UGT1A5: variants seen among roughly 807,000 people sequenced by gnomAD.
UGT1A5 encodes UDP-glucuronosyltransferase 1A5.
A neutral mutation model predicts 40.3 loss-of-function variants in UGT1A5; 29 were observed. The observed-to-expected ratio is 0.72, with a 90% CI of 0.54 to 0.98. The LOEUF (loss-of-function observed/expected upper bound fraction) is 0.98, where lower values mean the gene tolerates loss of function less well. UGT1A5 is among the 50% of genes least tolerant of loss of function. UGT1A5 has a pLI of 0.00. For missense variants in UGT1A5, 678 were observed against 677.9 expected (o/e 1.00, Z 0.00); for synonymous variants, 257 against 262.5 (o/e 0.98, Z 0.20).
chr2:233,735,046 T>C (rs895113176), intron 1 of UGT1A5, among the ~76,000 whole-genome samples: 2 of 152,242 alleles, frequency 1.3e-5, no homozygotes, highest in African/African-American at 4.8e-5. Flanking sequence ...GGTGCAGAGC[T>C]GAGTTCAGGT....
rs879204025 is a variant in UGT1A5, at chr2:233,769,857, C to CAA, written c.1307+1434_1307+1435dup. On this transcript the variant is annotated intron_variant, in intron 4 of 4. Transcript: ENST00000373414. This position sits in a 1 kb window ranked among gnomAD's most constrained non-coding sequence, Gnocchi z 4.4. The stretch of plus-strand genomic sequence containing the variant: ...TGGGCAACAGAGTGAGACCCTGTCT[C>CAA]AAAAAAAAAAAAAAAAATGAAAAGT... The CAA allele has an allele frequency of 9.9e-3, 2,209 of 224,054 alleles. 3 individuals are homozygous for CAA. The highest frequency in any genetic ancestry group is 0.012 in the South Asian group (106 of 9,094). The allele number at this position is 224,054 out of a possible 1,614,324, so 13.9% of individuals were successfully genotyped here.
rs531565456 is a variant in UGT1A5 at position 233,748,436 on chromosome 2, T to C, written c.868-18598T>C. On this transcript the variant is annotated intron_variant, in intron 1 of 4. Coordinates refer to ENST00000373414, the MANE Select transcript of UGT1A5 (RefSeq NM_019078.2). ...AGACTTGACCCATCTGGATTTTTTG[T>C]TTGCACAATTTTCAGGGGAAAGATG... Among the ~76,000 whole-genome samples the C allele has an allele frequency of 2.0e-5, 3 of 151,942 alleles. No individual in the cohort carries two copies. In the East Asian group the frequency reaches 5.8e-4, roughly 29 times the overall value.
At chr2:233,767,965 C>CAAACCAG (rs1699532267) in intron 3 of UGT1A5, 29 bp downstream of exon 3, 1 of 1,613,980 alleles carries the variant, frequency 6.2e-7, no homozygotes, top group Admixed American at 1.7e-5. Flanking sequence ...ATGTATAGGT[C>CAAACCAG]AAACCAGGGT....
At chr2:233,719,982 G>A (rs2076818942) in intron 1 of UGT1A5, among the ~76,000 whole-genome samples, 1 of 152,176 alleles carries the variant, frequency 6.6e-6, no homozygotes, top group South Asian at 2.1e-4. Flanking sequence ...AGCTCGGCAG[G>A]ATCAGGGACA....
intron 2 of UGT1A5, 66 bp from the exon 3 acceptor site, chr2:233,767,783 T>C: frequency 6.2e-7 from 1 of 1,613,658 alleles, no homozygotes. Context: ...CTAGTTAGTA[T>C]AGCAGATTTG....
Position 233,713,178 on chromosome 2 carries a change from C to T in UGT1A5, c.187C>T (p.Leu63=). The T allele has an allele frequency of 6.2e-7, 1 of 1,614,224 alleles. No homozygotes were observed. Among genetic ancestry groups the T allele is most frequent in the Non-Finnish European group, 8.5e-7 (1 of 1,180,028 alleles). Residue 63 remains leucine, a synonymous_variant, in exon 1 of 5, where the codon CTG becomes TTG. Coordinates refer to ENST00000373414, the MANE Select transcript of UGT1A5 (RefSeq NM_019078.2). The part of the protein sequence containing the change: ...ARGHQVVVLT[L]EVNMYIKEEN... ...AGGCCACCAGGTGGTGGTCCTCACCCTGGAGGTGAATATGTACATCAAAGA... is the reference window on the plus strand; with the variant it reads ...AGGCCACCAGGTGGTGGTCCTCACCTTGGAGGTGAATATGTACATCAAAGA...
intron 1 of UGT1A5, chr2:233,721,912 C>A: frequency 2.3e-6 from 1 of 427,588 alleles, no homozygotes; most frequent in Non-Finnish European, 4.7e-6. Flanking sequence ...GTGCACACTG[C>A]TTCCATAAAG....
At chr2:233,757,125 G>T (rs1455211055) in intron 1 of UGT1A5, among the ~76,000 whole-genome samples, 1 of 151,320 alleles carries the variant, frequency 6.6e-6, no homozygotes, top group Admixed American at 6.6e-5. Context: ...CTAGAGAGGA[G>T]GAATGAGCTT....
chr2:233,715,631 G>A (rs1191605021), intron 1 of UGT1A5, among the ~76,000 whole-genome samples: 3 of 151,978 alleles, frequency 2.0e-5, no homozygotes, highest in Non-Finnish European at 4.4e-5. Context: ...AATTATCCAG[G>A]TGTGATGGTG....
At position 233,713,574 on chromosome 2, in the gene UGT1A5, C is replaced by G; in HGVS notation, c.583C>G (p.Pro195Ala). 2 of 1,613,974 alleles carry G rather than the reference C, an allele frequency of 1.2e-6. No homozygotes were observed. The highest frequency in any genetic ancestry group is 1.7e-6 in the Non-Finnish European group (2 of 1,179,866). The change falls in exon 1 of 5, where the codon CCT becomes GCT. Residue 195 changes from proline to alanine, a missense_variant. By Grantham distance (27) the Pro-to-Ala change is conservative. Transcript: ENST00000373414. ...TQCPNPSSYI[P>A]RLLTTNSDHM... Reference sequence around the variant, plus strand: ...GTGTCCAAACCCTTCCTCCTATATTCCTAGATTACTAACGACCAATTCAGA... The same window carrying G: ...GTGTCCAAACCCTTCCTCCTATATTGCTAGATTACTAACGACCAATTCAGA...
chr2:233,766,265 G>A (rs1699086397), intron 1 of UGT1A5, among the ~76,000 whole-genome samples: 1 of 67,776 alleles, frequency 1.5e-5, no homozygotes, highest in Admixed American at 1.4e-4. Flanking sequence ...TCAGTGGCCC[G>A]GGCTCGGTGG....
In UGT1A5 at chr2:233,772,876, C is replaced by T. The variant is rs906785821; in HGVS notation, c.*317C>T. The T allele has an allele frequency of 2.8e-5, 17 of 598,574 alleles. No homozygotes were observed. The highest frequency in any genetic ancestry group is 1.0e-4 in the East Asian group (2 of 19,556). 37.1% of individuals were successfully genotyped at this position (598,574 alleles called of 1,614,324 possible). ...CTGAAACATGGCCTGTTTGGGAGTG[C>T]GGGATTCAAAGGTGGTCCCACGGCT... On this transcript the variant is annotated 3_prime_UTR_variant, in exon 5 of 5. Coordinates refer to ENST00000373414, the MANE Select transcript of UGT1A5 (RefSeq NM_019078.2).
chr2:233,745,835 T>A (rs2125873644), intron 1 of UGT1A5, among the ~76,000 whole-genome samples: 1 of 151,430 alleles, frequency 6.6e-6, no homozygotes, highest in African/African-American at 2.4e-5. Context: ...GGACTCTGAA[T>A]TTTCTTCTGT....
intron 1 of UGT1A5, among the ~76,000 whole-genome samples, chr2:233,736,892 T>C (rs905438192): frequency 2.6e-5 from 4 of 152,220 alleles, no homozygotes; most frequent in Non-Finnish European, 5.9e-5. Flanking sequence ...TATTGCTGCC[T>C]GATCCTTCCT....
At chr2:233,756,814 A>C (rs985210538) in intron 1 of UGT1A5, among the ~76,000 whole-genome samples, 2 of 152,110 alleles carry the variant, frequency 1.3e-5, no homozygotes, top group Admixed American at 6.5e-5. Flanking sequence ...AGGTCACTCA[A>C]TTCCAAGGGG....
At position 233,721,180 on chromosome 2, in the gene UGT1A5, C is replaced by A. The variant is rs28898614; in HGVS notation, c.867+7322C>A. On this transcript the variant is annotated intron_variant, in intron 1 of 4. Coordinates refer to ENST00000373414, the MANE Select transcript of UGT1A5 (RefSeq NM_019078.2). Reference sequence around the variant, plus strand: ...AACTTTATTTTTGTTTTTGATCAAACCACAAGATATTTGTTCTACTGGTTT... The same window carrying A: ...AACTTTATTTTTGTTTTTGATCAAAACACAAGATATTTGTTCTACTGGTTT... Among the ~76,000 whole-genome samples the A allele has an allele frequency of 9.2e-3, 1,399 of 152,232 alleles. 33 individuals carry two copies. Among genetic ancestry groups the A allele is most frequent in the African/African-American group, 0.032 (1,310 of 41,542 alleles).
chr2:233,772,615 T>C lies in UGT1A5; in HGVS notation c.*56T>C. ...AACCATTCCCTAGTCATTTCCAAAC[T>C]TGAAAACAGAATCAGTGTTAAATTC... On this transcript the variant is annotated 3_prime_UTR_variant, in exon 5 of 5. Coordinates refer to ENST00000373414, the MANE Select transcript of UGT1A5 (RefSeq NM_019078.2). 6.3e-7 allele frequency: 1 copy of C among 1,574,876 alleles called. No individual in the cohort carries two copies. The highest frequency in any genetic ancestry group is 8.6e-7 in the Non-Finnish European group (1 of 1,159,332).
At chr2:233,748,787 G>A (rs988744506) in intron 1 of UGT1A5, among the ~76,000 whole-genome samples, 5 of 151,380 alleles carry the variant, frequency 3.3e-5, no homozygotes, top group Admixed American at 2.6e-4. Flanking sequence ...CTTCTACTTG[G>A]AATGCTGAAA....
At chr2:233,755,148 T>TAGC in intron 1 of UGT1A5, 2 of 1,299,464 alleles carry the variant, frequency 1.5e-6, no homozygotes, top group East Asian at 9.2e-5. Context: ...TCTCACCGCT[T>TAGC]CCTCCCTGTC....
Sources: gnomAD v4.1 joint callset for allele counts (sites outside exome capture counted in the v4.1 genomes callset) on GRCh38, gnomAD v4.1.1 for gene constraint, Gnocchi (gnomAD v3.1) non-coding constraint, MANE v1.5 for transcripts, NCBI Gene and HGNC (gene_info 2026-07-23, HGNC 2026-07-21) for gene names.